The following CNTNAP2 variants were observed in gnomAD, a reference collection of about 807,000 sequenced individuals.
CNTNAP2 encodes the protein contactin-associated protein-like 2.
CNTNAP2 carries 98 observed loss-of-function variants against 155.2 expected under a neutral mutation model. The observed-to-expected ratio is 0.63, with a 90% CI of 0.54 to 0.75. CNTNAP2 has a LOEUF of 0.75. Ranked by LOEUF, CNTNAP2 falls within the 30% of genes least tolerant of loss-of-function variation. The pLI is 0.00. For synonymous variants in CNTNAP2, 651 were observed against 631.2 expected, an observed-to-expected ratio of 1.03 and a Z score of -0.47; for missense variants, 1,727 against 1,688.1, an observed-to-expected ratio of 1.02 and a Z score of -0.40.
chr7:146,422,234 T>C (rs940753824), intron 1 of CNTNAP2, among the ~76,000 whole-genome samples: 1 of 151,358 alleles, frequency 6.6e-6, no homozygotes, highest in African/African-American at 2.4e-5. Flanking sequence ...CTTTATATGA[T>C]GTTTATTACA....
intron 3 of CNTNAP2, among the ~76,000 whole-genome samples, chr7:146,904,995 C>A (rs893040187): frequency 1.1e-4 from 16 of 152,240 alleles, no homozygotes; most frequent in African/African-American, 3.9e-4. Flanking sequence ...GAACACCAGC[C>A]TAGTGTTCCT....
At position 147,605,691 on chromosome 7, in the gene CNTNAP2, A is replaced by G. The variant is rs151089709; in HGVS notation, c.1898-33415A>G. On this transcript the variant is annotated intron_variant, in intron 12 of 23. Transcript: ENST00000361727. Reference sequence around the variant, plus strand: ...TCTTTCAGAGGACCTGCCCTTCATTAGAAAGGGAAAGTTCAGAAAAAGGTT... The same window carrying G: ...TCTTTCAGAGGACCTGCCCTTCATTGGAAAGGGAAAGTTCAGAAAAAGGTT... Among the ~76,000 whole-genome samples the G allele has an allele frequency of 5.2e-4, 79 of 152,270 alleles. 1 individual carries two copies. The highest frequency in any genetic ancestry group is 1.9e-3 in the African/African-American group (79 of 41,570).
At position 146,367,659 on chromosome 7, in the gene CNTNAP2, T is replaced by G. The variant is rs1282044888; in HGVS notation, c.97+250686T>G. 2.6e-5 allele frequency among the ~76,000 whole-genome samples: 4 copies of G among 152,268 alleles called. 1 individual carries two copies. The highest frequency in any genetic ancestry group is 4.1e-4 in the South Asian group (2 of 4,828). On this transcript the variant is annotated intron_variant, in intron 1 of 23. Transcript: ENST00000361727. ...TTCATGTCTAAGTTATCTATTCCTT[T>G]CAGTCTATTCTGTATGTAACTCAAT... is the stretch of plus-strand genomic sequence containing the variant.
rs571605228 is a variant in CNTNAP2, at chr7:147,974,052, T to A, written c.2256-3810T>A. On this transcript the variant is annotated intron_variant, in intron 14 of 23. Transcript: ENST00000361727. Reference sequence around the variant, plus strand: ...TTTTTCTTGCAAAATAATTAAGTAATGCCTGCTTTTAGTATTAAAAATTTT... The same window carrying A: ...TTTTTCTTGCAAAATAATTAAGTAAAGCCTGCTTTTAGTATTAAAAATTTT... 8.0e-5 allele frequency among the ~76,000 whole-genome samples: 12 copies of A among 150,864 alleles called. No homozygotes were observed. In the South Asian group the frequency reaches 8.3e-4, roughly 10 times the overall value.
rs533752078 is a variant in CNTNAP2 at position 147,183,488 on chromosome 7, T to C, written c.1348+50979T>C. ...CTCCATGACACAGATGGCCAATCTG[T>C]ACTTCATTCTCGTTAGTTGCCTTTT... On this transcript the variant is annotated intron_variant, in intron 8 of 23. Coordinates refer to ENST00000361727, the MANE Select transcript of CNTNAP2 (RefSeq NM_014141.6). 1.4e-4 allele frequency among the ~76,000 whole-genome samples: 21 copies of C among 152,344 alleles called. No individual in the cohort carries two copies. In the South Asian group the frequency reaches 1.4e-3, roughly 11 times the overall value.
chr7:148,316,503 G>A (rs1313377750), intron 21 of CNTNAP2, among the ~76,000 whole-genome samples: 2 of 152,168 alleles, frequency 1.3e-5, no homozygotes, highest in East Asian at 3.9e-4. Context: ...GGTGCCTAAT[G>A]GGGATGTGAG....
rs527585657 is a variant in CNTNAP2 at position 147,755,871 on chromosome 7, AGTCCTG to A, written c.2098+116568_2098+116573del. On this transcript the variant is annotated intron_variant, in intron 13 of 23. Transcript: ENST00000361727. ...ACTCGACCCTTCAAATTATGTCAAAAGTCCTGGTTAGAGTGGCTTATATACAAAGTT... is the reference window on the plus strand; with the variant it reads ...ACTCGACCCTTCAAATTATGTCAAAAGTTAGAGTGGCTTATATACAAAGTT... Among the ~76,000 whole-genome samples, 376 of 152,272 alleles carry A rather than the reference AGTCCTG, an allele frequency of 2.5e-3. 1 individual carries two copies. Among genetic ancestry groups the A allele is most frequent in the African/African-American group, 8.5e-3 (355 of 41,556 alleles).
chr7:147,815,772 A>G (rs907232475), intron 13 of CNTNAP2, among the ~76,000 whole-genome samples: 3 of 152,274 alleles, frequency 2.0e-5, no homozygotes, highest in Non-Finnish European at 4.4e-5. Context: ...GTTGTTCTTC[A>G]AGGGTTCAAT....
intron 15 of CNTNAP2, among the ~76,000 whole-genome samples, chr7:148,085,228 G>A (rs939384583): frequency 6.6e-6 from 1 of 152,122 alleles, no homozygotes; most frequent in Admixed American, 6.5e-5. Context: ...AATACATCGA[G>A]GTCTAAAAAT....
At chr7:147,179,142 G>T (rs1484055534) in intron 8 of CNTNAP2, among the ~76,000 whole-genome samples, 1 of 152,036 alleles carries the variant, frequency 6.6e-6, no homozygotes, top group Non-Finnish European at 1.5e-5. Flanking sequence ...AGATTTCTAT[G>T]CCTGTAATTC....
At chr7:146,307,086 C>A (rs181924291) in intron 1 of CNTNAP2, among the ~76,000 whole-genome samples, 3 of 152,110 alleles carry the variant, frequency 2.0e-5, no homozygotes, top group Non-Finnish European at 4.4e-5. Flanking sequence ...AAAACCCCAT[C>A]GTCTCAGCCC....
intron 3 of CNTNAP2, among the ~76,000 whole-genome samples, chr7:146,894,507 T>A (rs1795838317): frequency 6.6e-6 from 1 of 152,172 alleles, no homozygotes; most frequent in Non-Finnish European, 1.5e-5. Context: ...TTTCTTATGC[T>A]TCAATCTTTT....
At position 146,774,518 on chromosome 7, in the gene CNTNAP2, T is replaced by C. The variant is rs187544703; in HGVS notation, c.208+137T>C. ...CACTCCTGCCACTTCTATTAAAAGA[T>C]CCATAGATGCCATTAACCTCTCATG... On this transcript the variant is annotated intron_variant, in intron 2 of 23. Coordinates refer to ENST00000361727, the MANE Select transcript of CNTNAP2 (RefSeq NM_014141.6). 1,278 of 667,772 alleles carry C rather than the reference T, an allele frequency of 1.9e-3. 7 individuals are homozygous for C. The highest frequency in any genetic ancestry group is 2.6e-3 in the Non-Finnish European group (977 of 375,776). 41.4% of individuals were successfully genotyped at this position (667,772 alleles called of 1,614,324 possible).
At chr7:147,465,294 TA>T (rs1205310270) in intron 10 of CNTNAP2, among the ~76,000 whole-genome samples, 2 of 152,112 alleles carry the variant, frequency 1.3e-5, no homozygotes, top group African/African-American at 2.4e-5. Context: ...TTCACATGCA[TA>T]ACTTGAATCT....
intron 17 of CNTNAP2, among the ~76,000 whole-genome samples, chr7:148,153,738 G>A (rs1032943581): frequency 5.3e-5 from 8 of 152,236 alleles, no homozygotes; most frequent in African/African-American, 1.2e-4. Flanking sequence ...AGCAGCGGCA[G>A]GAGTGGGAGA....
intron 13 of CNTNAP2, among the ~76,000 whole-genome samples, chr7:147,740,234 T>C (rs1016306954): frequency 1.3e-5 from 2 of 151,126 alleles, no homozygotes; most frequent in Admixed American, 6.7e-5. Flanking sequence ...TTCAAAACAT[T>C]TTCTAAGAGT....
chr7:147,452,177 C>T (rs1797844725), intron 10 of CNTNAP2, among the ~76,000 whole-genome samples: 1 of 152,028 alleles, frequency 6.6e-6, no homozygotes, highest in Non-Finnish European at 1.5e-5. Context: ...AGAGACAAAC[C>T]CTAAAAAGGA....
intron 12 of CNTNAP2, among the ~76,000 whole-genome samples, chr7:147,566,647 G>T (rs1316300264): frequency 6.6e-6 from 1 of 152,080 alleles, no homozygotes; most frequent in Non-Finnish European, 1.5e-5. Flanking sequence ...TAGATCTCAT[G>T]AGAACTCACT....
intron 14 of CNTNAP2, among the ~76,000 whole-genome samples, chr7:147,968,609 A>G (rs193024486): frequency 9.5e-4 from 145 of 152,294 alleles, no homozygotes; most frequent in Non-Finnish European, 1.7e-3. Flanking sequence ...TTGTTTTATG[A>G]ACAAAGGCTT....
Sources: gnomAD v4.1 joint callset for allele counts (sites outside exome capture counted in the v4.1 genomes callset) on GRCh38, gnomAD v4.1.1 for gene constraint, MANE v1.5 for transcripts, NCBI Gene and HGNC (gene_info 2026-07-23, HGNC 2026-07-21) for gene names.